PABPN1L: variants seen among roughly 807,000 people sequenced by gnomAD.
The protein encoded by PABPN1L is PABPN1 like, cytoplasmic, also known as embryonic polyadenylate-binding protein 2.
A neutral mutation model predicts 34.0 loss-of-function variants in PABPN1L; 45 were observed. That is an observed-to-expected ratio of 1.32 (90% confidence interval 1.04 to 1.70). PABPN1L has a LOEUF of 1.70. Ranked by LOEUF, PABPN1L falls within the 40% of genes most tolerant of loss-of-function variation. The pLI, the probability that PABPN1L is intolerant of heterozygous loss-of-function variation, is 0.00. For missense variants in PABPN1L, 459 were observed against 367.8 expected (o/e 1.25, Z -2.03); for synonymous variants, 182 against 152.1 (o/e 1.20, Z -1.45).
upstream of PABPN1L, among the ~76,000 whole-genome samples, chr16:88,869,721 G>T (rs1968662904): frequency 6.6e-6 from 1 of 152,240 alleles, no homozygotes; most frequent in African/African-American, 2.4e-5. Flanking sequence ...GAGTCTGCTG[G>T]ACTCGGCCCA....
chr16:88,863,599 G>A (rs758472416), exon 7 of PABPN1L: 124 of 951,648 alleles, frequency 1.3e-4, no homozygotes, highest in Non-Finnish European at 1.1e-4. Flanking sequence ...GCCCTACTGG[G>A]CCATCCCCCC....
At position 88,863,648 on chromosome 16, in the gene PABPN1L, CCT is replaced by C. The variant is rs144929092; in HGVS notation, c.*106_*107del. The C allele has an allele frequency of 3.9e-3, 5,402 of 1,379,174 alleles. 158 individuals carry two copies. The African/African-American group carries it at 0.067, about 17-fold the overall frequency. The allele number at this position is 1,379,174 out of a possible 1,614,324, so 85.4% of individuals were successfully genotyped here. A position where few individuals can be genotyped will look rare whatever the true frequency, so the allele number is the denominator to read the frequency against. ...CAGTGGCTGCTCTGGACACCCCTCT[CCT>C]CTGGCCTCGCCCCCGCGCCACTCCC... On this transcript the variant is annotated 3_prime_UTR_variant, in exon 7 of 7. Transcript: ENST00000419291.
exon 3 of PABPN1L, chr16:88,865,596 C>T (rs780846914): frequency 2.5e-6 from 4 of 1,611,474 alleles, no homozygotes; most frequent in Admixed American, 1.7e-5. Context: ...GGTCAGCCTC[C>T]ACCTTCTCCT....
chr16:88,864,905 A>T (rs751200989), exon 5 of PABPN1L: 1 of 1,548,474 alleles, frequency 6.5e-7, no homozygotes, highest in Non-Finnish European at 8.8e-7. Flanking sequence ...GGCGGCCTGC[A>T]CGGAGCCCTT....
At chr16:88,865,861 C>A in exon 2 of PABPN1L, 2 of 1,610,202 alleles carry the variant, frequency 1.2e-6, no homozygotes, top group Non-Finnish European at 1.7e-6. Context: ...CTTCCTCGGC[C>A]TGTTGCTGCA....
chr16:88,865,096 C>T, exon 4 of PABPN1L: 1 of 1,587,808 alleles, frequency 6.3e-7, no homozygotes, highest in Non-Finnish European at 8.6e-7. Flanking sequence ...TGAAGTGGGC[C>T]TCCAGCTCCT....
At chr16:88,866,651 C>A, upstream of PABPN1L, 1 of 1,492,960 alleles carries the variant, frequency 6.7e-7, no homozygotes, top group Non-Finnish European at 8.9e-7. Context: ...GCCTCCCCTC[C>A]ACTCCCCTCG....
At chr16:88,865,185 T>G in intron 3 of PABPN1L, 57 bp from the exon 4 acceptor site, 1 of 1,512,830 alleles carries the variant, frequency 6.6e-7, no homozygotes, top group Non-Finnish European at 9.0e-7. Flanking sequence ...ACTCGGGGCC[T>G]TCTTGTTAGA....
chr16:88,863,365 T>G (rs2143018962), exon 7 of PABPN1L: 1 of 312,702 alleles, frequency 3.2e-6, no homozygotes, highest in South Asian at 3.6e-5. Flanking sequence ...GTTTAATAAT[T>G]TATGCTTCAC....
Position 88,864,188 on chromosome 16 carries a change from C to G in PABPN1L, c.797+49G>C, listed in dbSNP as rs1167661522. 5 of 1,523,386 alleles carry G rather than the reference C, an allele frequency of 3.3e-6. No homozygotes were observed. In the African/African-American group the frequency reaches 6.9e-5, roughly 21 times the overall value. 94.4% of individuals were successfully genotyped at this position (1,523,386 alleles called of 1,614,324 possible). The stretch of plus-strand genomic sequence containing the variant: ...GGGACCCCCTCCTGCCCCTGATGCC[C>G]TCCACCATGGCCCTCGCCCCCAGGC... On this transcript the variant is annotated intron_variant, in intron 6 of 6. Transcript: ENST00000419291.
chr16:88,865,766 C>T lies in PABPN1L; in HGVS notation c.391+40G>A. Reference sequence around the variant, plus strand: ...CCAACCTTAATGGAAACTGTGGGACCCTTGCTCAGTGGGGGGCGGCCTGTG... The same window carrying T: ...CCAACCTTAATGGAAACTGTGGGACTCTTGCTCAGTGGGGGGCGGCCTGTG... On this transcript the variant is annotated intron_variant, in intron 2 of 6. Coordinates refer to ENST00000419291, the Ensembl canonical transcript of PABPN1L. 4 of 1,579,908 alleles carry T rather than the reference C, an allele frequency of 2.5e-6. No individual in the cohort carries two copies. The South Asian group carries it at 4.6e-5, about 18-fold the overall frequency.
upstream of PABPN1L, among the ~76,000 whole-genome samples, chr16:88,868,413 G>A (rs577140408): frequency 1.3e-5 from 2 of 152,206 alleles, no homozygotes; most frequent in East Asian, 3.9e-4. Context: ...AACCAGCCTG[G>A]CCAACATGGT....
At chr16:88,865,513 G>A in intron 3 of PABPN1L, 50 bp downstream of exon 3, 1 of 1,582,460 alleles carries the variant, frequency 6.3e-7, no homozygotes, top group Non-Finnish European at 8.6e-7. Flanking sequence ...CCCTCTGGTA[G>A]AGATGGGGCC....
At chr16:88,863,786 T>A (rs1462335626) in exon 7 of PABPN1L, 1 of 1,536,028 alleles carries the variant, frequency 6.5e-7, no homozygotes, top group Admixed American at 2.0e-5. Flanking sequence ...GTGAGAATTT[T>A]CCACGGGCCC....
chr16:88,867,776 G>T (rs1177252963), upstream of PABPN1L, among the ~76,000 whole-genome samples: 4 of 152,222 alleles, frequency 2.6e-5, no homozygotes, highest in African/African-American at 4.8e-5. Context: ...ACCTGCCACC[G>T]CGGCTGCTGG....
chr16:88,865,578 G>A (rs534100338), exon 3 of PABPN1L: 47 of 1,611,764 alleles, frequency 2.9e-5, no homozygotes, highest in Admixed American at 1.2e-4. Flanking sequence ...CCACGTAGAC[G>A]GATCTGTGGT....
At position 88,866,438 on chromosome 16, in the gene PABPN1L, C is replaced by T. The variant is rs1968597687; in HGVS notation, c.169G>A (p.Ala57Thr). The change falls in exon 1 of 7, where the codon GCA (alanine) becomes ACA (threonine). Residue 57 changes from alanine (A) to threonine (T), a missense_variant. By Grantham distance (58) the Ala-to-Thr change is moderately conservative. Coordinates refer to ENST00000419291, the Ensembl canonical transcript of PABPN1L. ...GCATCCCCATCCTGGTCTTCCTCTGCATCCTCTTCCTCCTCTTTCTCCTCC... is the reference window on the plus strand; with the variant it reads ...GCATCCCCATCCTGGTCTTCCTCTGTATCCTCTTCCTCCTCTTTCTCCTCC... 1 of 1,551,656 alleles carries T rather than the reference C, an allele frequency of 6.4e-7. No individual in the cohort carries two copies. Among genetic ancestry groups the T allele is most frequent in the South Asian group, 1.2e-5 (1 of 84,074 alleles).
At position 88,866,361 on chromosome 16, in the gene PABPN1L, C is replaced by T. The variant is rs146771138; in HGVS notation, c.246G>A (p.Leu82=). ...TCCACACAGCTGTTACCTGGTCAGG[C>T]AATGGGCACTCAGCCAGGTTCTCTT... Residue 82 remains leucine, a synonymous_variant, in exon 1 of 7, where the codon TTG becomes TTA. Transcript: ENST00000419291. The T allele has an allele frequency of 8.4e-6, 13 of 1,549,944 alleles. No individual in the cohort carries two copies. The East Asian group carries it at 2.7e-4, about 32-fold the overall frequency.
At chr16:88,866,760 C>G, upstream of PABPN1L, 7 of 1,099,020 alleles carry the variant, frequency 6.4e-6, no homozygotes, top group African/African-American at 1.6e-5. Flanking sequence ...GGCTGAGCTT[C>G]CAGCCTTGGC....
Sources: gnomAD v4.1 joint callset for allele counts (sites outside exome capture counted in the v4.1 genomes callset) on GRCh38, gnomAD v4.1.1 for gene constraint, MANE v1.5 for transcripts, NCBI Gene and HGNC (gene_info 2026-07-23, HGNC 2026-07-21) for gene names.